The following RUNX2 variants were observed in gnomAD, a reference collection of about 807,000 sequenced individuals.
The protein encoded by RUNX2 is RUNX family transcription factor 2.
A neutral mutation model predicts 51.7 loss-of-function variants in RUNX2; 10 were observed. That is an observed-to-expected ratio of 0.19 (90% CI 0.12 to 0.33). RUNX2 has a LOEUF of 0.33. Ranked by LOEUF, RUNX2 falls within the 10% of genes least tolerant of loss-of-function variation. The pLI, the probability that RUNX2 is intolerant of heterozygous loss-of-function variation, is 1.00. For missense variants in RUNX2, 562 were observed against 691.3 expected (o/e 0.81, Z 2.10); for synonymous variants, 276 against 273.6 (o/e 1.01, Z -0.09).
intron 5 of RUNX2, among the ~76,000 whole-genome samples, chr6:45,486,378 G>C (rs528215485): frequency 3.9e-5 from 6 of 152,272 alleles, no homozygotes; most frequent in Middle Eastern, 3.4e-3. Context: ...TAGATAACCA[G>C]TACACATTAG....
At chr6:45,382,322 A>G (rs1389453291) in intron 2 of RUNX2, among the ~76,000 whole-genome samples, 1 of 152,264 alleles carries the variant, frequency 6.6e-6, no homozygotes, top group Non-Finnish European at 1.5e-5. Flanking sequence ...AATGCCTAAA[A>G]TAAATACCTA....
rs80201842 is a variant in RUNX2 at position 45,396,318 on chromosome 6, T to C, written c.59-26275T>C. 2.8e-3 allele frequency among the ~76,000 whole-genome samples: 420 copies of C among 152,296 alleles called. 3 individuals carry two copies. Among genetic ancestry groups the C allele is most frequent in the African/African-American group, 9.2e-3 (384 of 41,568 alleles). ...TGAAATTGTTGTATAATTCAATGGC[T>C]TTAGTACATTTACCGAGATGTGTAA... On this transcript the variant is annotated intron_variant, in intron 2 of 8. Transcript: ENST00000647337.
At chr6:45,422,012 C>T (rs987571849) in intron 2 of RUNX2, 1 of 149,474 alleles carries the variant, frequency 6.7e-6, no homozygotes, top group Non-Finnish European at 1.5e-5. Flanking sequence ...GCGTGCAGCC[C>T]GCGCGGGGGG....
chr6:45,348,136 T>G (rs1187654371), intron 2 of RUNX2, among the ~76,000 whole-genome samples: 3 of 151,712 alleles, frequency 2.0e-5, no homozygotes, highest in Non-Finnish European at 2.9e-5. Context: ...TCCATAGAAA[T>G]GAGAAAAAAG....
At chr6:45,529,376 G>T (rs569659591) in intron 7 of RUNX2, among the ~76,000 whole-genome samples, 140 of 152,218 alleles carry the variant, frequency 9.2e-4, no homozygotes, top group Middle Eastern at 6.8e-3. Flanking sequence ...TTGAGTTTTG[G>T]AAGCTCAAGG....
intron 2 of RUNX2, among the ~76,000 whole-genome samples, chr6:45,405,767 A>G (rs1321302259): frequency 6.6e-6 from 1 of 152,000 alleles, no homozygotes; most frequent in African/African-American, 2.4e-5. Context: ...AGCCTGGCCA[A>G]CAGAAGTGAA....
chr6:45,381,460 C>T (rs1395313410), intron 2 of RUNX2, among the ~76,000 whole-genome samples: 2 of 152,036 alleles, frequency 1.3e-5, no homozygotes, highest in Non-Finnish European at 2.9e-5. Flanking sequence ...GGGTTTCCCT[C>T]TCTGTTGCCC....
Position 45,546,867 on chromosome 6 carries a change from C to T in RUNX2, c.1128C>T (p.Phe376=). Residue 376 remains phenylalanine, a synonymous_variant, in exon 9 of 9, where the codon TTC becomes TTT. Coordinates refer to ENST00000647337, the MANE Select transcript of RUNX2 (RefSeq NM_001024630.4). Reference sequence around the variant, plus strand: ...GCCCTTTTTCAGACCCCAGGCAGTTCCCAAGCATTTCATCCCTCACTGAGA... The same window carrying T: ...GCCCTTTTTCAGACCCCAGGCAGTTTCCAAGCATTTCATCCCTCACTGAGA... ...ELGPFSDPRQ[F]PSISSLTESR... 1 of 1,613,956 alleles carries T rather than the reference C, an allele frequency of 6.2e-7. No individual in the cohort carries two copies. The highest frequency in any genetic ancestry group is 8.5e-7 in the Non-Finnish European group (1 of 1,179,996).
chr6:45,524,503 T>C (rs1801610338), intron 7 of RUNX2, among the ~76,000 whole-genome samples: 1 of 152,184 alleles, frequency 6.6e-6, no homozygotes, highest in African/African-American at 2.4e-5. Context: ...CTCTCTGTGG[T>C]AATTAGTAAC....
At chr6:45,378,779 G>A (rs918191817) in intron 2 of RUNX2, among the ~76,000 whole-genome samples, 8 of 151,394 alleles carry the variant, frequency 5.3e-5, no homozygotes, top group Non-Finnish European at 7.4e-5. Flanking sequence ...TGATATAGAT[G>A]TAGTTCTTTA....
At chr6:45,409,178 C>G (rs563331417) in intron 2 of RUNX2, among the ~76,000 whole-genome samples, 4 of 152,232 alleles carry the variant, frequency 2.6e-5, no homozygotes, top group Non-Finnish European at 5.9e-5. Flanking sequence ...TGGAAGAACA[C>G]CACCAATATT....
intron 6 of RUNX2, among the ~76,000 whole-genome samples, chr6:45,494,225 A>T (rs1047434868): frequency 6.6e-6 from 1 of 152,192 alleles, no homozygotes; most frequent in South Asian, 2.1e-4. Flanking sequence ...ATCTGAGCAG[A>T]TCGAGAGTGT....
chr6:45,533,080 G>A (rs781139829), intron 7 of RUNX2, among the ~76,000 whole-genome samples: 1 of 151,956 alleles, frequency 6.6e-6, no homozygotes, highest in East Asian at 1.9e-4. Flanking sequence ...CATTTGTGGC[G>A]AGTTTATTAC....
intron 2 of RUNX2, among the ~76,000 whole-genome samples, chr6:45,385,175 C>T (rs1582056892): frequency 6.6e-6 from 1 of 152,082 alleles, no homozygotes; most frequent in African/African-American, 2.4e-5. Flanking sequence ...TTAGGAGAGA[C>T]AAAGGTATAT....
At chr6:45,470,036 T>C (rs933283438) in intron 5 of RUNX2, among the ~76,000 whole-genome samples, 2 of 152,220 alleles carry the variant, frequency 1.3e-5, no homozygotes, top group African/African-American at 4.8e-5. Flanking sequence ...CTATCGCCAC[T>C]GGAAAAGTAG....
intron 6 of RUNX2, among the ~76,000 whole-genome samples, chr6:45,508,122 C>G (rs1372612668): frequency 6.6e-6 from 1 of 151,662 alleles, no homozygotes; most frequent in Admixed American, 6.6e-5. Context: ...TGTTTGGAGA[C>G]CATGGCTTTT....
chr6:45,346,840 T>C (rs1273191395), intron 2 of RUNX2, among the ~76,000 whole-genome samples: 1 of 152,114 alleles, frequency 6.6e-6, no homozygotes, highest in Non-Finnish European at 1.5e-5. Flanking sequence ...GCTAGGATTA[T>C]AGGCGTGAGC....
At chr6:45,449,578 T>C (rs1476267307) in intron 5 of RUNX2, among the ~76,000 whole-genome samples, 2 of 152,206 alleles carry the variant, frequency 1.3e-5, no homozygotes, top group Non-Finnish European at 2.9e-5. Flanking sequence ...GTGTAAGTGT[T>C]GGGCCCAGGG....
chr6:45,428,112 T>A (rs1798434266), intron 3 of RUNX2, among the ~76,000 whole-genome samples: 1 of 152,202 alleles, frequency 6.6e-6, no homozygotes, highest in Non-Finnish European at 1.5e-5. Context: ...AGTACTTTTG[T>A]ATTGGGTAGG....
Sources: gnomAD v4.1 joint callset for allele counts (sites outside exome capture counted in the v4.1 genomes callset) on GRCh38, gnomAD v4.1.1 for gene constraint, MANE v1.5 for transcripts, NCBI Gene and HGNC (gene_info 2026-07-23, HGNC 2026-07-21) for gene names.